The following SLC25A33 variants were observed in gnomAD, a reference collection of about 807,000 sequenced individuals.
SLC25A33 encodes bone marrow stromal cell mitochondrial carrier protein.
Under a neutral mutation model 35.5 loss-of-function variants are expected in SLC25A33, and 15 were observed. The ratio of observed to expected loss-of-function variants is 0.42; its 90% CI spans 0.28 to 0.65. The LOEUF (loss-of-function observed/expected upper bound fraction) is 0.65. Ranked by LOEUF, SLC25A33 falls within the 30% of genes least tolerant of loss-of-function variation. The pLI is 0.20. For synonymous variants in SLC25A33, 136 were observed against 148.7 expected, an observed-to-expected ratio of 0.91 and a Z score of 0.62; for missense variants, 257 against 398.5, an observed-to-expected ratio of 0.64 and a Z score of 3.02.
At chr1:9,549,478 C>T (rs1442903673) in intron 1 of SLC25A33, among the ~76,000 whole-genome samples, 4 of 29,490 alleles carry the variant, frequency 1.4e-4, no homozygotes, top group African/African-American at 4.7e-4. Flanking sequence ...GGATCAATGG[C>T]GGGGAGGAAC....
intron 6 of SLC25A33, 122 bp downstream of exon 6, chr1:9,580,356 G>T: frequency 5.5e-6 from 7 of 1,280,126 alleles, no homozygotes; most frequent in Non-Finnish European, 7.6e-6. Context: ...AGGTCAGTGA[G>T]TATGAGGGAA....
chr1:9,544,992 A>G (rs1189040748), intron 1 of SLC25A33, among the ~76,000 whole-genome samples: 1 of 152,196 alleles, frequency 6.6e-6, no homozygotes, highest in African/African-American at 2.4e-5. Flanking sequence ...ATCCCAGTAT[A>G]TATTATAGTA....
chr1:9,551,445 A>T (rs988819678), intron 1 of SLC25A33, among the ~76,000 whole-genome samples: 3 of 152,100 alleles, frequency 2.0e-5, no homozygotes, highest in Non-Finnish European at 2.9e-5. Context: ...TTACTTTCAG[A>T]GTGTGCGTTA....
Position 9,583,569 on chromosome 1 carries a change from G to C in SLC25A33, c.*1068G>C, listed in dbSNP as rs1001824959. The C allele has an allele frequency of 2.2e-4, 34 of 152,250 alleles. No homozygotes were observed. The highest frequency in any genetic ancestry group is 1.6e-3 in the Admixed American group (25 of 15,280). 9.4% of individuals were successfully genotyped at this position (152,250 alleles called of 1,614,324 possible). On this transcript the variant is annotated 3_prime_UTR_variant, in exon 7 of 7. Transcript: ENST00000302692. Reference sequence around the variant, plus strand: ...GGCTGTGAATCCAGAATGTGATGAAGAACAGTCATTCCCACTGAGGTCTTT... The same window carrying C: ...GGCTGTGAATCCAGAATGTGATGAACAACAGTCATTCCCACTGAGGTCTTT...
rs559428338 is a variant in SLC25A33 at position 9,555,181 on chromosome 1, G to A, written c.236+1376G>A. On this transcript the variant is annotated intron_variant, in intron 2 of 6. Coordinates refer to ENST00000302692, the MANE Select transcript of SLC25A33 (RefSeq NM_032315.3). ...CGCCCAGGCTGGAGTGCAGTGGTGC[G>A]ATCTCCACTTACTGCAAGCTCCGCC... 7.2e-4 allele frequency among the ~76,000 whole-genome samples: 102 copies of A among 142,042 alleles called. No individual in the cohort carries two copies. The East Asian group carries it at 0.015, about 21-fold the overall frequency. 93.2% of individuals were successfully genotyped at this position (142,042 alleles called of 152,430 possible).
intron 3 of SLC25A33, among the ~76,000 whole-genome samples, chr1:9,568,465 A>G (rs1437263948): frequency 6.6e-6 from 1 of 151,990 alleles, no homozygotes; most frequent in African/African-American, 2.4e-5. Flanking sequence ...ACAAAACAAA[A>G]CAAAAAAACT....
intron 2 of SLC25A33, among the ~76,000 whole-genome samples, chr1:9,565,706 G>A (rs1481538517): frequency 5.3e-5 from 8 of 150,666 alleles, no homozygotes; most frequent in African/African-American, 1.5e-4. Context: ...GTGAAACCCC[G>A]TCTTTACTAA....
chr1:9,572,124 T>TTA (rs1643598620), intron 4 of SLC25A33, among the ~76,000 whole-genome samples: 1 of 152,216 alleles, frequency 6.6e-6, no homozygotes, highest in Admixed American at 6.5e-5. Flanking sequence ...TAAAGTTGCT[T>TTA]TATACAAGGA....
intron 1 of SLC25A33, among the ~76,000 whole-genome samples, chr1:9,545,639 G>T (rs948318542): frequency 9.3e-5 from 14 of 149,892 alleles, no homozygotes; most frequent in African/African-American, 3.2e-4. Flanking sequence ...CTGATCTCGT[G>T]ATCCACCCGC....
At chr1:9,568,404 G>A (rs564967014) in intron 3 of SLC25A33, among the ~76,000 whole-genome samples, 5 of 151,966 alleles carry the variant, frequency 3.3e-5, no homozygotes, top group East Asian at 1.9e-4. Flanking sequence ...AGATCATGCC[G>A]CTTCACTGCA....
chr1:9,546,174 A>ATTTTTT (rs746460317), intron 1 of SLC25A33, among the ~76,000 whole-genome samples: 1 of 100,520 alleles, frequency 9.9e-6, no homozygotes, highest in Non-Finnish European at 1.9e-5. Context: ...ACACAGAGAA[A>ATTTTTT]TTTTTTTTTT....
chr1:9,542,115 A>G (rs1388826803), intron 1 of SLC25A33, among the ~76,000 whole-genome samples: 1 of 151,888 alleles, frequency 6.6e-6, no homozygotes, highest in Non-Finnish European at 1.5e-5. Flanking sequence ...GTCTTTTACA[A>G]TTTTTCTTTG....
rs181211323 is a variant in SLC25A33, at chr1:9,575,130, G to A, written c.482+1718G>A. Among the ~76,000 whole-genome samples, 1,003 of 145,606 alleles carry A rather than the reference G, an allele frequency of 6.9e-3. 10 individuals are homozygous for A. The highest frequency in any genetic ancestry group is 0.024 in the African/African-American group (961 of 39,274). On this transcript the variant is annotated intron_variant, in intron 5 of 6. Transcript: ENST00000302692. ...TGGGAGACTGAGGCAGGAGAATGGC[G>A]TTAACCCGGGAGGTGGAGCTTGCAG...
At chr1:9,560,949 T>A (rs931419845) in intron 2 of SLC25A33, among the ~76,000 whole-genome samples, 2 of 150,570 alleles carry the variant, frequency 1.3e-5, no homozygotes, top group South Asian at 4.2e-4. Context: ...TGAGACACAT[T>A]CTTTTTTTTT....
At chr1:9,567,483 T>C (rs1643527756) in intron 3 of SLC25A33, 122 bp downstream of exon 3, 2 of 780,236 alleles carry the variant, frequency 2.6e-6, no homozygotes, top group Non-Finnish European at 4.1e-6. Flanking sequence ...TGCCTAAATA[T>C]AGCGGACATA....
intron 1 of SLC25A33, among the ~76,000 whole-genome samples, chr1:9,539,976 C>G (rs1233206040): frequency 1.3e-5 from 2 of 152,144 alleles, no homozygotes; most frequent in Non-Finnish European, 2.9e-5. Context: ...GCGGCTGTGC[C>G]CCGCCGCCCG....
intron 2 of SLC25A33, 78 bp from the exon 3 acceptor site, chr1:9,567,206 T>C: frequency 8.4e-7 from 1 of 1,183,948 alleles, no homozygotes; most frequent in South Asian, 1.3e-5. Flanking sequence ...AAGGAACTAA[T>C]GAGAAGGTTG....
At chr1:9,552,854 C>A (rs1273583886) in intron 1 of SLC25A33, among the ~76,000 whole-genome samples, 2 of 151,826 alleles carry the variant, frequency 1.3e-5, no homozygotes, top group Non-Finnish European at 2.9e-5. Context: ...AATGGAAAGC[C>A]CCAAAGGATG....
chr1:9,570,414 C>T (rs1213603426), intron 4 of SLC25A33, 56 bp downstream of exon 4: 2 of 1,420,456 alleles, frequency 1.4e-6, no homozygotes, highest in East Asian at 2.3e-5. Flanking sequence ...CTAAAGCATG[C>T]ATTGTGCCAG....
Sources: gnomAD v4.1 joint callset for allele counts (sites outside exome capture counted in the v4.1 genomes callset) on GRCh38, gnomAD v4.1.1 for gene constraint, MANE v1.5 for transcripts, NCBI Gene and HGNC (gene_info 2026-07-23, HGNC 2026-07-21) for gene names.